SREBF2: variants seen among roughly 807,000 people sequenced by gnomAD.
The protein encoded by SREBF2 is sterol regulatory element-binding protein 2.
In SREBF2, 55 loss-of-function variants were observed where a neutral mutation model predicts 113.1. The ratio of observed to expected loss-of-function variants is 0.49; its 90% confidence interval spans 0.39 to 0.61. The LOEUF is 0.61. Ranked by LOEUF, SREBF2 falls within the 20% of genes least tolerant of loss-of-function variation. The pLI is 0.00. For synonymous variants in SREBF2, 593 were observed against 605.7 expected, an observed-to-expected ratio of 0.98 and a Z score of 0.31; for missense variants, 1,349 against 1,487.4, an observed-to-expected ratio of 0.91 and a Z score of 1.53.
intron 1 of SREBF2, among the ~76,000 whole-genome samples, chr22:41,838,549 A>T (rs1256020597): frequency 6.6e-6 from 1 of 152,144 alleles, no homozygotes. Context: ...CTTGGCCAAC[A>T]TGGTGAAACC....
At chr22:41,877,153 T>A in intron 7 of SREBF2, 76 bp from the exon 8 acceptor site, 1 of 1,299,728 alleles carries the variant, frequency 7.7e-7, no homozygotes, top group Non-Finnish European at 1.1e-6. Context: ...CATTTCTCAA[T>A]ATATATATAT....
Position 41,845,466 on chromosome 22 carries a change from G to A in SREBF2, c.88+12108G>A, listed in dbSNP as rs989900705. ...CAAAAGTTGTTTTTAAAAAATCCTT[G>A]CTGCATTTCAACGTGAATGAGTATC... On this transcript the variant is annotated intron_variant, in intron 1 of 18. Coordinates refer to ENST00000361204, the MANE Select transcript of SREBF2 (RefSeq NM_004599.4). Among the ~76,000 whole-genome samples the A allele has an allele frequency of 4.9e-4, 74 of 152,202 alleles. 1 individual carries two copies. Among genetic ancestry groups the A allele is most frequent in the African/African-American group, 1.7e-3 (71 of 41,460 alleles).
At chr22:41,835,925 C>T (rs1472512603) in intron 1 of SREBF2, among the ~76,000 whole-genome samples, 3 of 152,244 alleles carry the variant, frequency 2.0e-5, no homozygotes, top group Non-Finnish European at 4.4e-5. Flanking sequence ...GTACCCGACC[C>T]TGTCTTAATT....
chr22:41,900,929 C>T (rs59601893), intron 16 of SREBF2: 5,816 of 537,252 alleles, frequency 0.011, 253 homozygotes, highest in African/African-American at 0.1. Flanking sequence ...TGGCCGCATA[C>T]CTCCTGGCGG....
At chr22:41,899,556 G>C (rs780828606) in intron 15 of SREBF2, 31 of 992,612 alleles carry the variant, frequency 3.1e-5, no homozygotes, top group African/African-American at 3.5e-5. Context: ...TGAGAAGAGT[G>C]AGTATACACA....
chr22:41,857,668 G>A (rs1164247681), intron 1 of SREBF2, among the ~76,000 whole-genome samples: 1 of 152,114 alleles, frequency 6.6e-6, no homozygotes, highest in Non-Finnish European at 1.5e-5. Context: ...TAGGATGCTT[G>A]AGTCACCAGC....
intron 1 of SREBF2, among the ~76,000 whole-genome samples, chr22:41,848,799 A>G (rs1393559549): frequency 1.3e-5 from 2 of 152,128 alleles, no homozygotes; most frequent in South Asian, 2.1e-4. Flanking sequence ...CTTCCTGTGT[A>G]AAAACCACCA....
Position 41,866,833 on chromosome 22 carries a change from A to T in SREBF2, c.91A>T (p.Met31Leu). 1 of 1,614,208 alleles carries T rather than the reference A, an allele frequency of 6.2e-7. No homozygotes were observed. The highest frequency in any genetic ancestry group is 8.5e-7 in the Non-Finnish European group (1 of 1,180,032). ...DELTLGDIDE[M>L]LQFVSNQVGE... ...TACTCCTTTTCTTTTGTTCACAGAGATGCTGCAATTTGTCAGTAATCAAGT... is the reference window on the plus strand; with the variant it reads ...TACTCCTTTTCTTTTGTTCACAGAGTTGCTGCAATTTGTCAGTAATCAAGT... The change falls in exon 2 of 19, where the codon ATG becomes TTG. Residue 31 changes from methionine (M) to leucine (L), a missense_variant and splice_region_variant. Physicochemically the swap from Met to Leu is conservative, Grantham distance 15 (BLOSUM62 2). This residue lies in a region of SREBF2 where 699 missense variants were observed against 843.3 expected (regional missense o/e 0.83). Coordinates refer to ENST00000361204, the MANE Select transcript of SREBF2 (RefSeq NM_004599.4).
intron 1 of SREBF2, among the ~76,000 whole-genome samples, chr22:41,845,412 C>G (rs1244617733): frequency 3.3e-5 from 5 of 152,170 alleles, no homozygotes; most frequent in South Asian, 4.1e-4. Context: ...ATTCAGGAAG[C>G]CTGTCTGTCT....
intron 10 of SREBF2, among the ~76,000 whole-genome samples, chr22:41,884,164 C>A (rs2077277113): frequency 6.6e-6 from 1 of 152,076 alleles, no homozygotes; most frequent in South Asian, 2.1e-4. Context: ...GGGACAGAGT[C>A]TCGCTCTGTT....
At position 41,900,584 on chromosome 22, in the gene SREBF2, G is replaced by C. The variant is rs530744394; in HGVS notation, c.2907+86G>C. The stretch of plus-strand genomic sequence containing the variant: ...CCCACTCACCTCATGCTGACCCTGC[G>C]GGTGGGGCCATCCGAAAGACAGAGA... On this transcript the variant is annotated intron_variant, in intron 16 of 18. Transcript: ENST00000361204. 7.9e-6 allele frequency: 11 copies of C among 1,397,996 alleles called. No homozygotes were observed. The South Asian group carries it at 1.0e-4, about 13-fold the overall frequency. 86.6% of individuals were successfully genotyped at this position (1,397,996 alleles called of 1,614,324 possible).
rs903541655 is a variant in SREBF2, at chr22:41,878,619, G to A, written c.1761+496G>A. 11 of 1,243,412 alleles carry A rather than the reference G, an allele frequency of 8.8e-6. No individual in the cohort carries two copies. The Admixed American group carries it at 2.5e-4, about 29-fold the overall frequency. 77.0% of individuals were successfully genotyped at this position (1,243,412 alleles called of 1,614,324 possible). A position where few individuals can be genotyped will look rare whatever the true frequency, so the allele number is the denominator to read the frequency against. ...CTATAGAACCAGGAAAGGTTTTTGA[G>A]CAGGAAAACTAGCTGAAAGTTTTCA... is the stretch of plus-strand genomic sequence containing the variant. On this transcript the variant is annotated intron_variant, in intron 9 of 18. Transcript: ENST00000361204.
intron 1 of SREBF2, among the ~76,000 whole-genome samples, chr22:41,852,728 ATTTTTTTTTTTT>A (rs544824099): frequency 2.5e-4 from 10 of 40,398 alleles, no homozygotes; most frequent in Admixed American, 4.1e-4. Flanking sequence ...TCTCAGAATG[ATTTTTTTTTTTT>A]TTTTTTTTTT....
Position 41,867,250 on chromosome 22 carries a change from A to G in SREBF2, c.508A>G (p.Ile170Val), listed in dbSNP as rs780901115. ...PQTRIIQQPL[I>V]YQNAATSFQV... ...GACGAGGATCATCCAGCAGCCTTTG[A>G]TATACCAGAATGCAGCTACTAGCTT... Residue 170 changes from isoleucine (I) to valine (V), a missense_variant, in exon 2 of 19, where the codon ATA becomes GTA. Coordinates refer to ENST00000361204, the MANE Select transcript of SREBF2 (RefSeq NM_004599.4). The G allele has an allele frequency of 9.7e-5, 156 of 1,614,124 alleles. 2 individuals are homozygous for G. In the Admixed American group the frequency reaches 2.6e-3, roughly 27 times the overall value.
In SREBF2 at chr22:41,833,345, G is replaced by C; in HGVS notation, c.75G>C (p.Leu25=). The change falls in exon 1 of 19, where the codon CTG becomes CTC. Residue 25 remains leucine, a synonymous_variant. Coordinates refer to ENST00000361204, the MANE Select transcript of SREBF2 (RefSeq NM_004599.4). This position sits in a 1 kb window ranked among gnomAD's most constrained non-coding sequence, Gnocchi z 4.1. ...TLTELGDELT[L]GDIDEMLQFV... Reference sequence around the variant, plus strand: ...CGGAGCTGGGCGACGAGCTGACCCTGGGAGACATCGACGGTGAGTGGTGGG... The same window carrying C: ...CGGAGCTGGGCGACGAGCTGACCCTCGGAGACATCGACGGTGAGTGGTGGG... The C allele has an allele frequency of 6.6e-7, 1 of 1,523,740 alleles. No individual in the cohort carries two copies. The highest frequency in any genetic ancestry group is 2.0e-5 in the Admixed American group (1 of 48,794). The allele number at this position is 1,523,740 out of a possible 1,614,324, so 94.4% of individuals were successfully genotyped here.
At position 41,906,911 on chromosome 22, in the gene SREBF2, CTG is replaced by C. The variant is rs1218723835; in HGVS notation, c.*1253_*1254del. ...CCCCAGGTGCAGCACCTCCCGGAGA[CTG>C]TTTCTCCCATGGCCTCCTGAGTGAT... is the stretch of plus-strand genomic sequence containing the variant. On this transcript the variant is annotated 3_prime_UTR_variant, in exon 19 of 19. Transcript: ENST00000361204. 1 of 152,320 alleles carries C rather than the reference CTG, an allele frequency of 6.6e-6. No homozygotes were observed. Among genetic ancestry groups the C allele is most frequent in the African/African-American group, 2.4e-5 (1 of 41,546 alleles). 9.4% of individuals were successfully genotyped at this position (152,320 alleles called of 1,614,324 possible).
At chr22:41,896,287 C>G (rs944717516) in intron 13 of SREBF2, among the ~76,000 whole-genome samples, 8 of 152,146 alleles carry the variant, frequency 5.3e-5, no homozygotes, top group Non-Finnish European at 1.2e-4. Flanking sequence ...GAGCACAGTC[C>G]TTCTTTCACA....
At chr22:41,887,917 T>C (rs1418000412) in intron 11 of SREBF2, among the ~76,000 whole-genome samples, 1 of 152,248 alleles carries the variant, frequency 6.6e-6, no homozygotes, top group African/African-American at 2.4e-5. Context: ...TGAGCACCTC[T>C]TCTTACATTT....
intron 17 of SREBF2, 54 bp from the exon 18 acceptor site, chr22:41,904,809 C>T (rs1159315810): frequency 2.2e-6 from 3 of 1,391,898 alleles, no homozygotes; most frequent in Non-Finnish European, 3.0e-6. Flanking sequence ...CTACCCTGGG[C>T]ATAGATGGGT....
Sources: allele counts gnomAD v4.1 joint callset (sites outside exome capture counted in the v4.1 genomes callset), GRCh38; gene constraint gnomAD v4.1.1; regional missense constraint gnomAD v4.1.1; non-coding constraint Gnocchi (gnomAD v3.1); transcripts MANE v1.5; gene names NCBI Gene and HGNC (gene_info 2026-07-23, HGNC 2026-07-21).